Variants in CPA6 observed in about 807,000 individuals in gnomAD.
CPA6 encodes carboxypeptidase B.
CPA6 carries 58 observed loss-of-function variants against 63.3 expected under a neutral mutation model. The observed-to-expected ratio is 0.92, with a 90% CI of 0.74 to 1.14. CPA6 has a LOEUF of 1.14. CPA6 is among the 50% of genes most tolerant of loss of function. The probability of loss-of-function intolerance (pLI) is 0.00; values close to 1 mark genes in which losing one functional copy is unlikely to be tolerated. For missense variants in CPA6, 565 were observed against 526.6 expected (o/e 1.07, Z -0.71); for synonymous variants, 185 against 179.0 (o/e 1.03, Z -0.27).
At position 67,422,372 on chromosome 8, in the gene CPA6, G is replaced by A. The variant is rs193137313; in HGVS notation, c.*132C>T. ...TTCTATTGCCACAAAGTCAAATTGC[G>A]TGGGGTCTTTTTAAAGTCCATAGAC... On this transcript the variant is annotated 3_prime_UTR_variant, in exon 11 of 11. Coordinates refer to ENST00000297770, the MANE Select transcript of CPA6 (RefSeq NM_020361.5). 82 of 644,376 alleles carry A rather than the reference G, an allele frequency of 1.3e-4. No homozygotes were observed. The highest frequency in any genetic ancestry group is 1.1e-3 in the African/African-American group (59 of 55,934). The allele number at this position is 644,376 out of a possible 1,614,324, so 39.9% of individuals were successfully genotyped here.
intron 8 of CPA6, among the ~76,000 whole-genome samples, chr8:67,472,124 T>TAC (rs1811071968): frequency 6.6e-6 from 1 of 152,168 alleles, no homozygotes; most frequent in Non-Finnish European, 1.5e-5. Flanking sequence ...TTAAAAACCT[T>TAC]ACTCATATGC....
chr8:67,464,100 C>A (rs559207551), intron 8 of CPA6, among the ~76,000 whole-genome samples: 2 of 152,222 alleles, frequency 1.3e-5, no homozygotes, highest in South Asian at 4.1e-4. Context: ...CTGCTTTCCA[C>A]AGTGGCTGAA....
chr8:67,647,338 T>TC (rs56661819), intron 1 of CPA6, among the ~76,000 whole-genome samples: 4 of 149,134 alleles, frequency 2.7e-5, no homozygotes, highest in South Asian at 2.1e-4. Flanking sequence ...GGATAATCTT[T>TC]TTTTTTTTTT....
At chr8:67,447,427 T>C (rs981357983) in intron 8 of CPA6, among the ~76,000 whole-genome samples, 5 of 151,940 alleles carry the variant, frequency 3.3e-5, no homozygotes, top group Non-Finnish European at 5.9e-5. Flanking sequence ...AGTATATGTA[T>C]CCTTACATCT....
chr8:67,509,341 G>A (rs547925931), intron 5 of CPA6, among the ~76,000 whole-genome samples, 176 bp downstream of exon 5: 4 of 152,236 alleles, frequency 2.6e-5, no homozygotes, highest in Non-Finnish European at 5.9e-5. Context: ...AATATCCAAT[G>A]GCAAAAATGA....
intron 2 of CPA6, among the ~76,000 whole-genome samples, chr8:67,568,578 A>T (rs1326711554): frequency 6.6e-6 from 1 of 152,202 alleles, no homozygotes; most frequent in African/African-American, 2.4e-5. Flanking sequence ...AGAATCAGTG[A>T]ACTCAGAGGC....
intron 2 of CPA6, among the ~76,000 whole-genome samples, chr8:67,591,813 A>G (rs1814133654): frequency 6.6e-6 from 1 of 152,182 alleles, no homozygotes; most frequent in Non-Finnish European, 1.5e-5. Flanking sequence ...TTCTAGTTAT[A>G]CTATCATGTC....
intron 2 of CPA6, among the ~76,000 whole-genome samples, chr8:67,582,191 C>T (rs448546): frequency 0.58 from 88,381 of 151,948 alleles, 28,077 homozygotes; most frequent in African/African-American, 0.84. Flanking sequence ...CATAAAATCA[C>T]GTAAGGGTGG....
chr8:67,458,338 C>A (rs1412136304), intron 8 of CPA6, among the ~76,000 whole-genome samples: 2 of 152,116 alleles, frequency 1.3e-5, no homozygotes, highest in Admixed American at 1.3e-4. Context: ...GCTGGAATTA[C>A]AGGCGCTCAC....
At chr8:67,614,217 C>T (rs1432206808) in intron 2 of CPA6, among the ~76,000 whole-genome samples, 1 of 152,214 alleles carries the variant, frequency 6.6e-6, no homozygotes, top group Non-Finnish European at 1.5e-5. Context: ...GCACTCACCC[C>T]AGCCTCTGCA....
At chr8:67,611,206 C>T (rs1274632511) in intron 2 of CPA6, among the ~76,000 whole-genome samples, 1 of 152,078 alleles carries the variant, frequency 6.6e-6, no homozygotes, top group African/African-American at 2.4e-5. Context: ...CCTCAGCTTC[C>T]CTAGTAGCTG....
intron 8 of CPA6, among the ~76,000 whole-genome samples, chr8:67,458,102 A>C (rs940692889): frequency 2.6e-5 from 4 of 152,248 alleles, no homozygotes; most frequent in Non-Finnish European, 5.9e-5. Context: ...AAAATAACTC[A>C]AAATGGATCA....
rs576049064 is a variant in CPA6 at position 67,461,024 on chromosome 8, T to C, written c.838+22744A>G. On this transcript the variant is annotated intron_variant, in intron 8 of 10. Transcript: ENST00000297770. ...TAGTGAGCGGAGGCGTGAGGAATGG[T>C]GGTGGAAGGAGCATAATTCGATTTC... 4.6e-5 allele frequency among the ~76,000 whole-genome samples: 7 copies of C among 151,484 alleles called. No homozygotes were observed. In the South Asian group the frequency reaches 1.5e-3, roughly 32 times the overall value.
At chr8:67,614,189 C>A (rs1487771032) in intron 2 of CPA6, among the ~76,000 whole-genome samples, 1 of 152,212 alleles carries the variant, frequency 6.6e-6, no homozygotes, top group African/African-American at 2.4e-5. Context: ...TAGACACTAC[C>A]ATGGGCTGGA....
At chr8:67,684,951 CT>C (rs995384856) in intron 1 of CPA6, among the ~76,000 whole-genome samples, 12 of 152,166 alleles carry the variant, frequency 7.9e-5, no homozygotes, top group African/African-American at 2.9e-4. Flanking sequence ...TTTCCACCCA[CT>C]TACCCTGCCC....
At chr8:67,569,532 G>A in intron 2 of CPA6, 1 of 452,734 alleles carries the variant, frequency 2.2e-6, no homozygotes, top group East Asian at 6.3e-5. Flanking sequence ...CAGAGCTTGA[G>A]GAACAAAATT....
chr8:67,607,103 T>C (rs1384432158), intron 2 of CPA6, among the ~76,000 whole-genome samples: 2 of 145,984 alleles, frequency 1.4e-5, no homozygotes, highest in Non-Finnish European at 3.0e-5. Flanking sequence ...TTCTTCTTCT[T>C]CTTTCCTCCT....
At chr8:67,621,486 A>G (rs1815080720) in intron 2 of CPA6, among the ~76,000 whole-genome samples, 1 of 152,194 alleles carries the variant, frequency 6.6e-6, no homozygotes, top group Non-Finnish European at 1.5e-5. Flanking sequence ...TAGAGGCAAG[A>G]GGCAGGCCTC....
intron 2 of CPA6, among the ~76,000 whole-genome samples, chr8:67,584,035 G>A (rs1813851776): frequency 6.6e-6 from 1 of 152,196 alleles, no homozygotes; most frequent in Non-Finnish European, 1.5e-5. Context: ...GCATGTGCCT[G>A]TAATCCCAGC....
Sources: gnomAD v4.1 joint callset for allele counts (sites outside exome capture counted in the v4.1 genomes callset) on GRCh38, gnomAD v4.1.1 for gene constraint, MANE v1.5 for transcripts, NCBI Gene and HGNC (gene_info 2026-07-23, HGNC 2026-07-21) for gene names.